The following PCNT variants were observed in gnomAD, a reference collection of about 807,000 sequenced individuals.
The protein encoded by PCNT is kendrin.
Under a neutral mutation model 380.4 loss-of-function variants are expected in PCNT, and 319 were observed. The ratio of observed to expected loss-of-function variants is 0.84; its 90% CI spans 0.77 to 0.92. The LOEUF (loss-of-function observed/expected upper bound fraction) is 0.92. Among genes scored for constraint, PCNT ranks in the 40% least tolerant of loss-of-function variants. PCNT has a pLI of 0.00. For synonymous variants in PCNT, 1,845 were observed against 1,735.2 expected, an observed-to-expected ratio of 1.06 and a Z score of -1.57; for missense variants, 4,400 against 4,255.3, an observed-to-expected ratio of 1.03 and a Z score of -0.95.
Position 46,430,076 on chromosome 21 carries a change from G to A in PCNT, c.7757G>A (p.Ser2586Asn), listed in dbSNP as rs2087685721. 3 of 1,614,122 alleles carry A rather than the reference G, an allele frequency of 1.9e-6. No individual in the cohort carries two copies. The highest frequency in any genetic ancestry group is 1.7e-5 in the Admixed American group (1 of 60,014). Residue 2586 changes from serine (S) to asparagine (N), a missense_variant, in exon 36 of 47, where the codon AGT (serine) becomes AAT (asparagine). Physicochemically the swap from Ser to Asn is conservative, Grantham distance 46 (BLOSUM62 1). Transcript: ENST00000359568. ...GCTGGTGACTTGCAGAAGACGCTGA[G>A]TGAAGAGCAAGAGAAGGCAAACAGC... Reference protein sequence around the residue: ...CIAGDLQKTLSEEQEKANSVQ... With the variant: ...CIAGDLQKTLNEEQEKANSVQ...
At position 46,385,893 on chromosome 21, in the gene PCNT, T is replaced by G; in HGVS notation, c.3374T>G (p.Val1125Gly). The change falls in exon 17 of 47, where the codon GTG becomes GGG. Residue 1125 changes from valine to glycine, a missense_variant. Coordinates refer to ENST00000359568, the MANE Select transcript of PCNT (RefSeq NM_006031.6). ...GAAGAGTGCCGCTCCGAGTTGGAGG[T>G]GCTGCAGCAGAGGCGGGAGCGGGAG... Reference protein sequence around the residue: ...EIEECRSELEVLQQRRERENR... With the variant: ...EIEECRSELEGLQQRRERENR... 1 of 1,613,970 alleles carries G rather than the reference T, an allele frequency of 6.2e-7. No homozygotes were observed. The highest frequency in any genetic ancestry group is 2.2e-5 in the East Asian group (1 of 44,870).
chr21:46,355,424 G>T (rs143206680), intron 11 of PCNT, 28 bp from the exon 12 acceptor site: 1 of 1,611,854 alleles, frequency 6.2e-7, no homozygotes, highest in Non-Finnish European at 8.5e-7. Context: ...GCTCACTAAC[G>T]TGCTTGTCCC....
intron 15 of PCNT, among the ~76,000 whole-genome samples, chr21:46,372,246 T>G (rs1039821584): frequency 1.3e-5 from 2 of 148,190 alleles, no homozygotes; most frequent in African/African-American, 2.5e-5. Flanking sequence ...CACATGCACA[T>G]ACACAGCACA....
intron 2 of PCNT, among the ~76,000 whole-genome samples, chr21:46,331,585 T>G (rs1229538339): frequency 6.6e-6 from 1 of 151,738 alleles, no homozygotes; most frequent in African/African-American, 2.4e-5. Flanking sequence ...GGGAGGATGG[T>G]TGAAACTCTG....
intron 14 of PCNT, among the ~76,000 whole-genome samples, chr21:46,364,153 C>G (rs553657717): frequency 6.6e-6 from 1 of 152,218 alleles, no homozygotes; most frequent in Non-Finnish European, 1.5e-5. Flanking sequence ...CCTGAAGCCC[C>G]CTGGCCGCAG....
chr21:46,379,073 A>G (rs1237531841), intron 15 of PCNT, among the ~76,000 whole-genome samples: 1 of 152,184 alleles, frequency 6.6e-6, no homozygotes, highest in Non-Finnish European at 1.5e-5. Context: ...TTCTTGAAGG[A>G]CAGGTCTGCT....
intron 40 of PCNT, 133 bp downstream of exon 40, chr21:46,437,214 C>T: frequency 3.0e-6 from 2 of 673,990 alleles, no homozygotes; most frequent in Non-Finnish European, 5.2e-6. Context: ...TTCATGGTTG[C>T]TATCTGGGTG....
At chr21:46,417,754 A>G (rs1419789052) in intron 30 of PCNT, among the ~76,000 whole-genome samples, 1 of 152,080 alleles carries the variant, frequency 6.6e-6, no homozygotes, top group Non-Finnish European at 1.5e-5. Flanking sequence ...AACACAAAAA[A>G]TTAGCTGGGC....
intron 32 of PCNT, among the ~76,000 whole-genome samples, chr21:46,423,066 A>AATGT (rs2087322907): frequency 6.6e-6 from 1 of 152,174 alleles, no homozygotes; most frequent in East Asian, 1.9e-4. Flanking sequence ...TGGGCAACAT[A>AATGT]GTAAGACCCC....
Position 46,353,255 on chromosome 21 carries a change from A to G in PCNT, c.1608A>G (p.Glu536=). 6.2e-7 allele frequency: 1 copy of G among 1,614,184 alleles called. No individual in the cohort carries two copies. The highest frequency in any genetic ancestry group is 8.5e-7 in the Non-Finnish European group (1 of 1,180,020). The change falls in exon 10 of 47, where the codon GAA becomes GAG. Residue 536 remains glutamate (E), a synonymous_variant. Coordinates refer to ENST00000359568, the MANE Select transcript of PCNT (RefSeq NM_006031.6). ...KLRDAEKTYQ[E]DLTLLQQRLQ... is the part of the protein sequence containing the mutation. ...GGGATGCTGAGAAAACTTACCAAGA[A>G]GACCTAACCCTGTTACAGCAGAGGC... is the stretch of plus-strand genomic sequence containing the variant.
At chr21:46,420,181 G>A (rs1169662929) in intron 31 of PCNT, among the ~76,000 whole-genome samples, 1 of 152,174 alleles carries the variant, frequency 6.6e-6, no homozygotes, top group Non-Finnish European at 1.5e-5. Context: ...AGGCCTGCGC[G>A]GTCGGGGTGG....
At chr21:46,390,906 A>G in intron 20 of PCNT, 74 bp downstream of exon 20, 1 of 1,495,264 alleles carries the variant, frequency 6.7e-7, no homozygotes, top group African/African-American at 1.4e-5. Flanking sequence ...GAGGGAAGGA[A>G]GCCTTCAGAA....
rs139900645 is a variant in PCNT, at chr21:46,345,313, G to A, written c.640-815G>A. ...GCTCACTGCAACCTCTGCCTTCCAG[G>A]TTCAAGTGATCCTCCTGCCTCAGCC... On this transcript the variant is annotated intron_variant, in intron 3 of 46. Transcript: ENST00000359568. Among the ~76,000 whole-genome samples the A allele has an allele frequency of 7.0e-3, 1,061 of 152,222 alleles. 21 individuals are homozygous for A. Among genetic ancestry groups the A allele is most frequent in the African/African-American group, 0.025 (1,023 of 41,514 alleles).
chr21:46,416,879 G>A, intron 30 of PCNT, 40 bp downstream of exon 30: 7 of 1,592,580 alleles, frequency 4.4e-6, no homozygotes, highest in Non-Finnish European at 5.9e-6. Flanking sequence ...TGTTCCCGTG[G>A]GAATGTGGTC....
chr21:46,339,481 G>A (rs2146441384), intron 3 of PCNT, among the ~76,000 whole-genome samples: 1 of 152,360 alleles, frequency 6.6e-6, no homozygotes, highest in South Asian at 2.1e-4. Flanking sequence ...CCCACAGTAA[G>A]CCATCTGCAG....
At chr21:46,365,776 G>GTTCACTCCCATGGAGTTCTT (rs2084902067) in intron 14 of PCNT, among the ~76,000 whole-genome samples, 1 of 133,754 alleles carries the variant, frequency 7.5e-6, no homozygotes, top group Non-Finnish European at 1.6e-5. Flanking sequence ...ATGGAGTTCT[G>GTTCACTCCCATGGAGTTCTT]TTCACTCCCA....
At chr21:46,349,943 G>A (rs769909458) in intron 8 of PCNT, 123 bp downstream of exon 8, 1 of 968,782 alleles carries the variant, frequency 1.0e-6, no homozygotes, top group Non-Finnish European at 1.6e-6. Context: ...AAAGAGACTG[G>A]CTGGGAACAG....
intron 3 of PCNT, among the ~76,000 whole-genome samples, chr21:46,338,611 T>A (rs2146427270): frequency 6.6e-6 from 1 of 151,512 alleles, no homozygotes; most frequent in African/African-American, 2.4e-5. Flanking sequence ...TGTCTTTTTT[T>A]TTTTTTTTTT....
At chr21:46,363,259 C>T (rs541323920) in intron 13 of PCNT, among the ~76,000 whole-genome samples, 5 of 152,294 alleles carry the variant, frequency 3.3e-5, no homozygotes, top group East Asian at 1.9e-4. Flanking sequence ...AGTCGGTTCT[C>T]GGTGCCAGGA....
Sources: gnomAD v4.1 joint callset for allele counts (sites outside exome capture counted in the v4.1 genomes callset) on GRCh38, gnomAD v4.1.1 for gene constraint, MANE v1.5 for transcripts, NCBI Gene and HGNC (gene_info 2026-07-23, HGNC 2026-07-21) for gene names.